Variants in DNMT1 observed in about 807,000 individuals in gnomAD.
The protein encoded by DNMT1 is DNA methyltransferase 1.
Under a neutral mutation model 205.3 loss-of-function variants are expected in DNMT1, and 24 were observed. That is an observed-to-expected ratio of 0.12 (90% confidence interval 0.08 to 0.16). The LOEUF (loss-of-function observed/expected upper bound fraction) is 0.16. DNMT1 is among the 10% of genes least tolerant of loss of function. The pLI is 1.00. For missense variants in DNMT1, 1,293 were observed against 2,177.7 expected (o/e 0.59, Z 8.09); for synonymous variants, 817 against 839.8 (o/e 0.97, Z 0.47).
intron 7 of DNMT1, 132 bp downstream of exon 7, chr19:10,175,408 C>G (rs1276922301): frequency 1.1e-6 from 1 of 936,278 alleles, no homozygotes; most frequent in Non-Finnish European, 1.7e-6. Flanking sequence ...TCTATTGGTC[C>G]TGTCTCTCTG....
At chr19:10,175,396 A>G (rs2038920087) in intron 7 of DNMT1, 144 bp downstream of exon 7, 4 of 821,684 alleles carry the variant, frequency 4.9e-6, no homozygotes, top group South Asian at 2.9e-5. Context: ...ACACATATAC[A>G]TTCTATTGGT....
At chr19:10,181,235 C>T (rs1189148212) in intron 2 of DNMT1, among the ~76,000 whole-genome samples, 1 of 151,864 alleles carries the variant, frequency 6.6e-6, no homozygotes, top group Non-Finnish European at 1.5e-5. Context: ...TGCTTTGAGC[C>T]CCAGAGTTCA....
chr19:10,148,909 G>C lies in DNMT1; in HGVS notation c.2695C>G (p.Gln899Glu), dbSNP rs1204551824. ...TTGAACTTGTTGTCCTCTGTTGGCT[G>C]GGTTTTTGGAGGGGACTCGAATCTC... ...YARFESPPKT[Q>E]PTEDNKFKFC... The change falls in exon 27 of 41, where the codon CAG (glutamine) becomes GAG (glutamate). Residue 899 changes from glutamine (Q) to glutamate (E), a missense_variant. Transcript: ENST00000359526. 1.2e-6 allele frequency: 2 copies of C among 1,614,198 alleles called. No homozygotes were observed.
intron 28 of DNMT1, 199 bp from the exon 29 acceptor site, chr19:10,144,186 G>C: frequency 1.6e-6 from 1 of 622,076 alleles, no homozygotes. Context: ...AAGGCAGGTG[G>C]ACCACAAGGT....
intron 17 of DNMT1, among the ~76,000 whole-genome samples, chr19:10,158,788 A>C (rs1005666415): frequency 6.6e-6 from 1 of 151,968 alleles, no homozygotes; most frequent in African/African-American, 2.4e-5. Flanking sequence ...CTCACCATTC[A>C]CCTTCCACAG....
rs1257821053 is a variant in DNMT1 at position 10,194,833 on chromosome 19, C to T, written c.67G>A (p.Asp23Asn). The T allele has an allele frequency of 6.2e-7, 1 of 1,611,836 alleles. No homozygotes were observed. Among genetic ancestry groups the T allele is most frequent in the Non-Finnish European group, 8.5e-7 (1 of 1,179,238 alleles). ...LAVPAISLPD[D>N]VRRRLKDLER... ...CATGGTACCTACCGCCTGCGGACATCGTCGGGCAGCGAGATGGCCGGGACG... is the reference window on the plus strand; with the variant it reads ...CATGGTACCTACCGCCTGCGGACATTGTCGGGCAGCGAGATGGCCGGGACG... The change falls in exon 1 of 41, where the codon GAT becomes AAT. Residue 23 changes from aspartate (D) to asparagine (N), a missense_variant. By Grantham distance (23) the Asp-to-Asn change is conservative (BLOSUM62 1). Around this residue, in one of 13 missense-constraint regions of DNMT1, gnomAD observed 394 missense variants for 451.6 expected, o/e 0.87. Coordinates refer to ENST00000359526, the MANE Select transcript of DNMT1 (RefSeq NM_001130823.3).
At position 10,148,995 on chromosome 19, in the gene DNMT1, A is replaced by G. The variant is rs768517249; in HGVS notation, c.2609T>C (p.Leu870Pro). 6.2e-7 allele frequency: 1 copy of G among 1,614,116 alleles called. No homozygotes were observed. The highest frequency in any genetic ancestry group is 1.1e-5 in the South Asian group (1 of 91,074). ...GGTCTTCCCGTCGTCCCCCTCCAGC[A>G]GGGACTCGGGATCCATGCCTCCCTT... is the stretch of plus-strand genomic sequence containing the variant. The part of the protein sequence containing the change: ...AMEGGMDPES[L>P]LEGDDGKTYF... The change falls in exon 27 of 41, where the codon CTG becomes CCG. Residue 870 changes from leucine (L) to proline (P), a missense_variant. Coordinates refer to ENST00000359526, the MANE Select transcript of DNMT1 (RefSeq NM_001130823.3).
chr19:10,182,121 C>T (rs747084471), intron 1 of DNMT1, 44 bp from the exon 2 acceptor site: 3 of 1,583,444 alleles, frequency 1.9e-6, no homozygotes, highest in Non-Finnish European at 2.6e-6. Flanking sequence ...ACTTGTTAAG[C>T]AACTTCATTT....
chr19:10,150,077 GA>G, intron 24 of DNMT1, 109 bp from the exon 25 acceptor site: 1 of 928,294 alleles, frequency 1.1e-6, no homozygotes, highest in Non-Finnish European at 1.7e-6. Context: ...ATTTCATTAA[GA>G]AGTCAATGAA....
At chr19:10,136,562 A>G (rs1291929849) in intron 37 of DNMT1, among the ~76,000 whole-genome samples, 2 of 151,340 alleles carry the variant, frequency 1.3e-5, no homozygotes, top group East Asian at 2.0e-4. Flanking sequence ...CAGCCTCCCA[A>G]ATAGCTGGGA....
intron 22 of DNMT1, among the ~76,000 whole-genome samples, chr19:10,152,980 GGTAA>G (rs370824463): frequency 6.8e-4 from 103 of 151,232 alleles, no homozygotes; most frequent in African/African-American, 2.3e-3. Context: ...TTAGAAATAT[GGTAA>G]GTGAGAGAAA....
rs756854476 is a variant in DNMT1, at chr19:10,140,875, C to A, written c.3429G>T (p.Pro1143=). The part of the protein sequence containing the change: ...KGKPKSQACE[P]SEPEIEIKLP... ...GCTTGATCTCTATCTCTGGCTCGCT[C>A]GGCTCACAGGCTTGGGACTTGGGCT... Residue 1143 remains proline, a synonymous_variant, in exon 32 of 41, where the codon CCG becomes CCT. Coordinates refer to ENST00000359526, the MANE Select transcript of DNMT1 (RefSeq NM_001130823.3). The surrounding 1 kb of genome is among the most constrained non-coding windows in gnomAD (Gnocchi z 8.4). 6.2e-7 allele frequency: 1 copy of A among 1,614,146 alleles called. No individual in the cohort carries two copies. The highest frequency in any genetic ancestry group is 8.5e-7 in the Non-Finnish European group (1 of 1,180,030).
chr19:10,188,517 G>A lies in DNMT1; in HGVS notation c.80+6303C>T, dbSNP rs1568261495. 2.0e-5 allele frequency among the ~76,000 whole-genome samples: 3 copies of A among 152,186 alleles called. No individual in the cohort carries two copies. In the South Asian group the frequency reaches 6.2e-4, roughly 32 times the overall value. The stretch of plus-strand genomic sequence containing the variant: ...ATCATGCCACTGCACTCCAGCCTGG[G>A]TGACAGAGCGAGACTCCATCTCAAA... On this transcript the variant is annotated intron_variant, in intron 1 of 40. Coordinates refer to ENST00000359526, the MANE Select transcript of DNMT1 (RefSeq NM_001130823.3).
At position 10,149,308 on chromosome 19, in the gene DNMT1, A is replaced by G. The variant is rs2038281752; in HGVS notation, c.2586+145T>C. On this transcript the variant is annotated intron_variant, in intron 26 of 40. Coordinates refer to ENST00000359526, the MANE Select transcript of DNMT1 (RefSeq NM_001130823.3). ...CCATTGCACTCCAGCCTGGGCAACA[A>G]GAGCGAAACTCAGTCTCAAAACAAA... 20 of 1,109,626 alleles carry G rather than the reference A, an allele frequency of 1.8e-5. 1 individual carries two copies. In the South Asian group the frequency reaches 2.6e-4, roughly 14 times the overall value. The allele number at this position is 1,109,626 out of a possible 1,614,324, so 68.7% of individuals were successfully genotyped here.
Position 10,149,654 on chromosome 19 carries a change from G to A in DNMT1, c.2385C>T (p.Val795=), listed in dbSNP as rs1420828727. 11 of 1,613,676 alleles carry A rather than the reference G, an allele frequency of 6.8e-6. No homozygotes were observed. The highest frequency in any genetic ancestry group is 9.3e-6 in the Non-Finnish European group (11 of 1,180,048). Residue 795 remains valine (V), a synonymous_variant, in exon 26 of 41, where the codon GTC becomes GTT. Coordinates refer to ENST00000359526, the MANE Select transcript of DNMT1 (RefSeq NM_001130823.3). ...TGCTGCTGTCCTCCCACAGCGCCGT[G>A]ACCCTGGAATCAGAAGACGGGCATG... ...DSSKPLYLAR[V]TALWEDSSNG...
At chr19:10,192,603 T>TA (rs1215797226) in intron 1 of DNMT1, among the ~76,000 whole-genome samples, 3 of 149,966 alleles carry the variant, frequency 2.0e-5, no homozygotes, top group South Asian at 4.2e-4. Flanking sequence ...CTCTACAAAA[T>TA]AAAAAAAAGG....
At chr19:10,166,302 G>A (rs533362734) in intron 11 of DNMT1, among the ~76,000 whole-genome samples, 4 of 152,316 alleles carry the variant, frequency 2.6e-5, no homozygotes, top group African/African-American at 9.6e-5. Flanking sequence ...TCTCAGCAGT[G>A]AGGCCTCAGG....
chr19:10,168,819 A>G (rs1414165084), intron 9 of DNMT1, among the ~76,000 whole-genome samples: 1 of 152,144 alleles, frequency 6.6e-6, no homozygotes, highest in East Asian at 1.9e-4. Context: ...ACAACAACAC[A>G]TCCTCTGAGA....
In DNMT1 at chr19:10,166,644, G is replaced by A. The variant is rs1395459443; in HGVS notation, c.845C>T (p.Ala282Val). Residue 282 changes from alanine to valine, a missense_variant, in exon 11 of 41, where the codon GCC becomes GTC. Physicochemically the swap from Ala to Val is moderately conservative, Grantham distance 64. Coordinates refer to ENST00000359526, the MANE Select transcript of DNMT1 (RefSeq NM_001130823.3). ...CTCGTCAGCCTGCACGCCTGCCCTG[G>A]CTTCTCTGTCCGGCTCCTCCTTCAG... Reference protein sequence around the residue: ...QKLKEEPDREARAGVQADEDE... With the variant: ...QKLKEEPDREVRAGVQADEDE... 1.2e-6 allele frequency: 2 copies of A among 1,614,176 alleles called. No homozygotes were observed. The highest frequency in any genetic ancestry group is 2.2e-5 in the East Asian group (1 of 44,882).
Sources: allele counts gnomAD v4.1 joint callset (sites outside exome capture counted in the v4.1 genomes callset), GRCh38; gene constraint gnomAD v4.1.1; regional missense constraint gnomAD v4.1.1; non-coding constraint Gnocchi (gnomAD v3.1); transcripts MANE v1.5; gene names NCBI Gene and HGNC (gene_info 2026-07-23, HGNC 2026-07-21).